The following GALNT9 variants were observed in gnomAD, a reference collection of about 807,000 sequenced individuals.
GALNT9 encodes the protein GalNAc transferase 9.
Under a neutral mutation model 63.1 loss-of-function variants are expected in GALNT9, and 47 were observed. The ratio of observed to expected loss-of-function variants is 0.75; its 90% CI spans 0.59 to 0.95. The LOEUF (loss-of-function observed/expected upper bound fraction) is 0.95, where lower values mean the gene tolerates loss of function less well. Among genes scored for constraint, GALNT9 ranks in the 40% least tolerant of loss-of-function variants. The pLI is 0.00. For missense variants in GALNT9, 829 were observed against 874.8 expected, an observed-to-expected ratio of 0.95 and a Z score of 0.66; for synonymous variants, 396 against 365.7, an observed-to-expected ratio of 1.08 and a Z score of -0.94.
In GALNT9 at chr12:132,315,213, G is replaced by A. The variant is rs782300729; in HGVS notation, c.238+13753C>T. Among the ~76,000 whole-genome samples, 27 of 152,080 alleles carry A rather than the reference G, an allele frequency of 1.8e-4. No homozygotes were observed. The highest frequency in any genetic ancestry group is 3.1e-4 in the Non-Finnish European group (21 of 68,020). On this transcript the variant is annotated intron_variant, in intron 1 of 10. Transcript: ENST00000328957. This position sits in a 1 kb window ranked among gnomAD's most constrained non-coding sequence, Gnocchi z 6.1. ...TAAGATAATCAGGGTGGCCTCCCCC[G>A]TGTCCACTGCAAAGTGCTGGAGCCT...
intron 6 of GALNT9, 117 bp from the exon 7 acceptor site, chr12:132,203,807 C>T (rs1172106998): frequency 1.8e-6 from 2 of 1,116,464 alleles, no homozygotes; most frequent in South Asian, 2.8e-5. Context: ...GGCACCCCCA[C>T]CACCGACGGG....
At chr12:132,320,659 G>A (rs1555246047) in intron 1 of GALNT9, among the ~76,000 whole-genome samples, 3 of 30,538 alleles carry the variant, frequency 9.8e-5, no homozygotes, top group African/African-American at 4.2e-4. Flanking sequence ...TGGAGGAGGT[G>A]GAGGGAAGCT....
intron 6 of GALNT9, among the ~76,000 whole-genome samples, chr12:132,204,536 C>T (rs1755384469): frequency 6.6e-6 from 1 of 152,162 alleles, no homozygotes; most frequent in African/African-American, 2.4e-5. Context: ...GACGTGGGTC[C>T]TCCCCTGCCT....
At chr12:132,280,447 C>T (rs541668945) in intron 2 of GALNT9, 1 of 152,368 alleles carries the variant, frequency 6.6e-6, no homozygotes, top group South Asian at 2.1e-4. Context: ...GAAAACAGAA[C>T]CTTGTGATCT....
chr12:132,285,617 A>G (rs1250815053), intron 2 of GALNT9, among the ~76,000 whole-genome samples: 2 of 152,208 alleles, frequency 1.3e-5, no homozygotes, highest in Non-Finnish European at 2.9e-5. Context: ...CGCTTCAGAC[A>G]CAAGCGACAC....
intron 1 of GALNT9, among the ~76,000 whole-genome samples, chr12:132,304,258 C>T (rs1320619368): frequency 6.5e-5 from 4 of 61,574 alleles, no homozygotes; most frequent in African/African-American, 2.1e-4. Context: ...GACACACCCT[C>T]ACCCGGGCAC....
rs139089655 is a variant in GALNT9 at position 132,297,507 on chromosome 12, G to T, written c.239-11077C>A. ...CCTGAGATGACTGAGTCTCTCCCAA[G>T]ATGACCAAGCCACTCCCACAATAAC... On this transcript the variant is annotated intron_variant, in intron 1 of 10. Transcript: ENST00000328957. 1.1e-3 allele frequency among the ~76,000 whole-genome samples: 170 copies of T among 149,906 alleles called. 2 individuals carry two copies. The highest frequency in any genetic ancestry group is 3.9e-3 in the African/African-American group (158 of 40,690).
At chr12:132,255,172 G>C (rs1555238938) in intron 5 of GALNT9, among the ~76,000 whole-genome samples, 1 of 152,112 alleles carries the variant, frequency 6.6e-6, no homozygotes, top group Non-Finnish European at 1.5e-5. Context: ...AAGAGGGTTT[G>C]GACAAGCCCC....
chr12:132,304,424 G>T, intron 1 of GALNT9, among the ~76,000 whole-genome samples: 1 of 92,112 alleles, frequency 1.1e-5, no homozygotes. Context: ...CCCTCACCCG[G>T]GCACAGCCTC....
At chr12:132,204,144 C>T (rs538025989) in intron 6 of GALNT9, among the ~76,000 whole-genome samples, 26 of 133,060 alleles carry the variant, frequency 2.0e-4, no homozygotes, top group African/African-American at 6.8e-4. Context: ...CCAGAACACA[C>T]ACAATCAAAA....
At chr12:132,222,496 G>A (rs965267461) in intron 6 of GALNT9, among the ~76,000 whole-genome samples, 4 of 152,046 alleles carry the variant, frequency 2.6e-5, no homozygotes, top group African/African-American at 7.3e-5. Context: ...GACCAACAGG[G>A]AAAGCGCTTG....
At chr12:132,237,935 T>G (rs1364258605) in intron 6 of GALNT9, among the ~76,000 whole-genome samples, 1 of 152,128 alleles carries the variant, frequency 6.6e-6, no homozygotes, top group Non-Finnish European at 1.5e-5. Context: ...CCTGCTGCCC[T>G]CCAGCTTCAG....
chr12:132,237,145 T>G (rs1565994438), intron 6 of GALNT9, among the ~76,000 whole-genome samples: 5 of 152,096 alleles, frequency 3.3e-5, no homozygotes. Context: ...GCAGGCAGTG[T>G]GGGACCCAGG....
intron 6 of GALNT9, among the ~76,000 whole-genome samples, chr12:132,205,048 G>A (rs1876566806): frequency 6.6e-6 from 1 of 152,136 alleles, no homozygotes; most frequent in African/African-American, 2.4e-5. Context: ...GGGGCGCACG[G>A]GGTGGAGCCT....
chr12:132,324,393 C>T (rs1868941899), intron 1 of GALNT9, among the ~76,000 whole-genome samples: 2 of 152,224 alleles, frequency 1.3e-5, no homozygotes, highest in Admixed American at 1.3e-4. Context: ...CTACCTGGCC[C>T]TCACTCATCA....
At position 132,329,136 on chromosome 12, in the gene GALNT9, A is replaced by G. The variant is rs1869184594; in HGVS notation, c.68T>C (p.Leu23Pro). 1.9e-6 allele frequency: 3 copies of G among 1,549,600 alleles called. No homozygotes were observed. Among genetic ancestry groups the G allele is most frequent in the Middle Eastern group, 1.7e-4 (1 of 5,990 alleles). The change falls in exon 1 of 11, where the codon CTG becomes CCG. Residue 23 changes from leucine (L) to proline (P), a missense_variant. Coordinates refer to ENST00000328957, the MANE Select transcript of GALNT9 (RefSeq NM_001122636.2). ...CTGCAGGCGGCAGTACACGGAGAAC[A>G]GGACGATGCCCACGAACACCAGGAT... ...VNILVFVGIV[L>P]FSVYCRLQGR...
intron 1 of GALNT9, among the ~76,000 whole-genome samples, chr12:132,291,468 A>G (rs1458020864): frequency 7.0e-5 from 9 of 127,830 alleles, no homozygotes; most frequent in Non-Finnish European, 9.8e-5. Flanking sequence ...CATCCACAGC[A>G]CCCACGTCCA....
chr12:132,233,288 G>A (rs1423253054), intron 6 of GALNT9, among the ~76,000 whole-genome samples: 2 of 10,350 alleles, frequency 1.9e-4, no homozygotes, highest in African/African-American at 1.0e-3. Flanking sequence ...TCGATGGGGC[G>A]ACAGAGGAGA....
In GALNT9 at chr12:132,196,763, G is replaced by A; in HGVS notation, c.*344C>T. The A allele has an allele frequency of 9.4e-7, 1 of 1,065,662 alleles. No homozygotes were observed. Among genetic ancestry groups the A allele is most frequent in the Non-Finnish European group, 1.1e-6 (1 of 880,128 alleles). 66.0% of individuals were successfully genotyped at this position (1,065,662 alleles called of 1,614,324 possible). ...CAGCCTGGTGCATGGTCCGGGGCTT[G>A]GCCTCCCTATGGGGCGTGGGGGGCT... On this transcript the variant is annotated 3_prime_UTR_variant, in exon 11 of 11. Coordinates refer to ENST00000328957, the MANE Select transcript of GALNT9 (RefSeq NM_001122636.2).
Sources: gnomAD v4.1 joint callset for allele counts (sites outside exome capture counted in the v4.1 genomes callset) on GRCh38, gnomAD v4.1.1 for gene constraint, Gnocchi (gnomAD v3.1) non-coding constraint, MANE v1.5 for transcripts, NCBI Gene and HGNC (gene_info 2026-07-23, HGNC 2026-07-21) for gene names.